ABCA5: variants seen among roughly 807,000 people sequenced by gnomAD.
The protein encoded by ABCA5 is cholesterol transporter ABCA5.
A neutral mutation model predicts 206.0 loss-of-function variants in ABCA5; 163 were observed. The ratio of observed to expected loss-of-function variants is 0.79; its 90% CI spans 0.70 to 0.90. ABCA5 has a LOEUF of 0.90. Ranked by LOEUF, ABCA5 falls within the 40% of genes least tolerant of loss-of-function variation. The pLI is 0.00. For missense variants in ABCA5, 1,859 were observed against 1,912.9 expected (o/e 0.97, Z 0.53); for synonymous variants, 609 against 613.8 (o/e 0.99, Z 0.11).
rs9909726 is a variant in ABCA5, at chr17:69,253,781, T to C, written c.4320+13A>G. 0.15 allele frequency: 233,651 copies of C among 1,605,272 alleles called. 19,931 individuals carry two copies. The highest frequency in any genetic ancestry group is 0.37 in the African/African-American group (27,822 of 74,618). On this transcript the variant is annotated intron_variant, in intron 33 of 38. Coordinates refer to ENST00000392676, the MANE Select transcript of ABCA5 (RefSeq NM_172232.4). ...TAAAAATACAGGCATTATTTGGTGT[T>C]TAATGAAAGTACCTTTCGTTTGATT...
chr17:69,289,320 T>G lies in ABCA5; in HGVS notation c.1783-24A>C, dbSNP rs534748898. The G allele has an allele frequency of 7.3e-5, 108 of 1,485,192 alleles. 1 individual carries two copies. The South Asian group carries it at 1.6e-3, about 22-fold the overall frequency. The allele number at this position is 1,485,192 out of a possible 1,614,324, so 92.0% of individuals were successfully genotyped here. A position where few individuals can be genotyped will look rare whatever the true frequency, so the allele number is the denominator to read the frequency against. The stretch of plus-strand genomic sequence containing the variant: ...ACCTGTAAAAGTAAAGCATGAACAA[T>G]GTTATTTTAAAAATCATACCATTTA... On this transcript the variant is annotated intron_variant, in intron 13 of 38. Transcript: ENST00000392676.
rs1167281195 is a variant in ABCA5 at position 69,256,287 on chromosome 17, C to T, written c.3732-4G>A. On this transcript the variant is annotated splice_polypyrimidine_tract_variant and splice_region_variant and intron_variant, in intron 28 of 38. Transcript: ENST00000392676. ...TTTAGACTTCGTTGAAAGGTTTCTACATATATATAATAAATATAAAAGACA... is the reference window on the plus strand; with the variant it reads ...TTTAGACTTCGTTGAAAGGTTTCTATATATATATAATAAATATAAAAGACA... 6.5e-7 allele frequency: 1 copy of T among 1,537,370 alleles called. No individual in the cohort carries two copies.
rs923234940 is a variant in ABCA5 at position 69,261,014 on chromosome 17, T to C, written c.3564+111A>G. 22 of 816,206 alleles carry C rather than the reference T, an allele frequency of 2.7e-5. No individual in the cohort carries two copies. The East Asian group carries it at 3.4e-4, about 13-fold the overall frequency. The allele number at this position is 816,206 out of a possible 1,614,324, so 50.6% of individuals were successfully genotyped here. ...CATTAATAATATCTAAATCAAGTAG[T>C]AGCCATTAGCCCAATGCATTTTACT... On this transcript the variant is annotated intron_variant, in intron 26 of 38. Coordinates refer to ENST00000392676, the MANE Select transcript of ABCA5 (RefSeq NM_172232.4).
intron 18 of ABCA5, among the ~76,000 whole-genome samples, chr17:69,280,242 T>G (rs573431210): frequency 0.012 from 1,819 of 152,256 alleles, 23 homozygotes; most frequent in Non-Finnish European, 0.021. Context: ...CAGACACTTC[T>G]CAAAAGAAGA....
At position 69,326,739 on chromosome 17, in the gene ABCA5, C is replaced by G. The variant is rs369591688; in HGVS notation, c.-16+313G>C. On this transcript the variant is annotated intron_variant, in intron 1 of 38. Coordinates refer to ENST00000392676, the MANE Select transcript of ABCA5 (RefSeq NM_172232.4). This position sits in a 1 kb window ranked among gnomAD's most constrained non-coding sequence, Gnocchi z 4.8. ...GTGTCCCGAAGTCCCACGGCCGGAC[C>G]CGGTCCCAGGGGAGCCTCGCGGAGC... Among the ~76,000 whole-genome samples the G allele has an allele frequency of 4.9e-3, 752 of 152,326 alleles. 11 individuals carry two copies. The highest frequency in any genetic ancestry group is 0.017 in the African/African-American group (693 of 41,572).
At chr17:69,285,708 T>TA (rs34065708) in intron 17 of ABCA5, among the ~76,000 whole-genome samples, 190 bp downstream of exon 17, 15,714 of 149,036 alleles carry the variant, frequency 0.11, 990 homozygotes, top group Non-Finnish European at 0.14. Context: ...ATGGTGTTTG[T>TA]AAAAAAAAAA....
intron 18 of ABCA5, among the ~76,000 whole-genome samples, chr17:69,281,047 AAAAT>A (rs374614458): frequency 0.026 from 3,708 of 140,918 alleles, 97 homozygotes; most frequent in African/African-American, 0.073. Context: ...AAAAAAAATA[AAAAT>A]AAATAAATAA....
intron 17 of ABCA5, 114 bp from the exon 18 acceptor site, chr17:69,284,186 T>C: frequency 1.2e-6 from 1 of 822,620 alleles, no homozygotes; most frequent in East Asian, 3.6e-5. Context: ...TCATGACCCA[T>C]CTCTACAAAA....
At chr17:69,291,749 T>C (rs550416311) in intron 11 of ABCA5, among the ~76,000 whole-genome samples, 1 of 152,006 alleles carries the variant, frequency 6.6e-6, no homozygotes, top group Admixed American at 6.6e-5. Context: ...TATCACTGAA[T>C]GGATATGTAA....
intron 22 of ABCA5, among the ~76,000 whole-genome samples, chr17:69,269,758 G>A (rs923729351): frequency 2.6e-5 from 4 of 152,132 alleles, no homozygotes; most frequent in Admixed American, 2.6e-4. Context: ...GCACTGATAC[G>A]TGTTACAAAA....
Position 69,253,573 on chromosome 17 carries a change from C to A in ABCA5, c.4415G>T (p.Trp1472Leu). 6.2e-7 allele frequency: 1 copy of A among 1,608,372 alleles called. No individual in the cohort carries two copies. The highest frequency in any genetic ancestry group is 8.5e-7 in the Non-Finnish European group (1 of 1,174,932). Reference protein sequence around the residue: ...GMDPKAKQHMWRAIRTAFKNR... With the variant: ...GMDPKAKQHMLRAIRTAFKNR... ...ACTGTGTCACAAGTACCATACTCAC[C>A]ACATGTGCTGTTTGGCTTTGGGATC... Residue 1472 changes from tryptophan (W) to leucine (L), a missense_variant and splice_region_variant, in exon 34 of 39, where the codon TGG (tryptophan) becomes TTG (leucine). By Grantham distance (61) the Trp-to-Leu change is moderately conservative (BLOSUM62 -2). Coordinates refer to ENST00000392676, the MANE Select transcript of ABCA5 (RefSeq NM_172232.4).
At chr17:69,258,703 T>TA (rs1008231632) in intron 28 of ABCA5, among the ~76,000 whole-genome samples, 3 of 152,040 alleles carry the variant, frequency 2.0e-5, no homozygotes, top group East Asian at 1.9e-4. Flanking sequence ...ATATTTTTTT[T>TA]AAAAAACCAG....
At chr17:69,279,244 A>G (rs1322719095) in intron 18 of ABCA5, among the ~76,000 whole-genome samples, 2 of 152,112 alleles carry the variant, frequency 1.3e-5, no homozygotes, top group Non-Finnish European at 2.9e-5. Flanking sequence ...CACCAACAAC[A>G]GACAGAGAGC....
intron 25 of ABCA5, among the ~76,000 whole-genome samples, 183 bp downstream of exon 25, chr17:69,261,452 C>T (rs2075146078): frequency 6.6e-6 from 1 of 151,950 alleles, no homozygotes; most frequent in Non-Finnish European, 1.5e-5. Flanking sequence ...TAAATCTCTT[C>T]CATATTGTTC....
intron 28 of ABCA5, among the ~76,000 whole-genome samples, chr17:69,259,344 T>G (rs78913547): frequency 0.018 from 2,669 of 152,130 alleles, 35 homozygotes; most frequent in Non-Finnish European, 0.027. Context: ...CTGGCAAATC[T>G]GATGATTTTC....
chr17:69,262,247 T>C (rs76924888), intron 24 of ABCA5, among the ~76,000 whole-genome samples: 6,461 of 152,278 alleles, frequency 0.042, 183 homozygotes, highest in Non-Finnish European at 0.066. Flanking sequence ...CTAGTTTTAC[T>C]TTAGAATCAG....
rs1440133578 is a variant in ABCA5, at chr17:69,250,467, T to C, written c.4685+5A>G. The C allele has an allele frequency of 5.6e-6, 9 of 1,602,778 alleles. No individual in the cohort carries two copies. The highest frequency in any genetic ancestry group is 7.6e-6 in the Non-Finnish European group (9 of 1,176,802). ...GAAATATAACCACATTCTTTAAAAT[T>C]TTACCTTTCCTGACGGCTTGCATTT... On this transcript the variant is annotated splice_donor_5th_base_variant and intron_variant, in intron 36 of 38. Coordinates refer to ENST00000392676, the MANE Select transcript of ABCA5 (RefSeq NM_172232.4).
intron 3 of ABCA5, among the ~76,000 whole-genome samples, chr17:69,310,427 C>G (rs922674452): frequency 6.6e-6 from 1 of 152,204 alleles, no homozygotes; most frequent in African/African-American, 2.4e-5. Flanking sequence ...AGGCATGAGC[C>G]AGTGCACCTG....
At chr17:69,283,275 C>T (rs1180747106) in intron 18 of ABCA5, among the ~76,000 whole-genome samples, 1 of 152,126 alleles carries the variant, frequency 6.6e-6, no homozygotes, top group Non-Finnish European at 1.5e-5. Flanking sequence ...TGAACCACTG[C>T]GCCCGGCCTC....
Sources: gnomAD v4.1 joint callset for allele counts (sites outside exome capture counted in the v4.1 genomes callset) on GRCh38, gnomAD v4.1.1 for gene constraint, Gnocchi (gnomAD v3.1) non-coding constraint, MANE v1.5 for transcripts, NCBI Gene and HGNC (gene_info 2026-07-23, HGNC 2026-07-21) for gene names.